Variants in NBN observed in about 807,000 individuals in gnomAD.
NBN encodes nibrin.
A neutral mutation model predicts 90.8 loss-of-function variants in NBN; 88 were observed. The observed-to-expected ratio is 0.97, with a 90% CI of 0.82 to 1.16. The LOEUF (loss-of-function observed/expected upper bound fraction) is 1.16, where lower values mean the gene tolerates loss of function less well. Among genes scored for constraint, NBN ranks in the 50% most tolerant of loss-of-function variants. NBN has a pLI of 0.00. For synonymous variants in NBN, 328 were observed against 295.1 expected (o/e 1.11, Z -1.14); for missense variants, 894 against 869.6 (o/e 1.03, Z -0.35).
chr8:89,984,117 T>C (rs755081511), intron 1 of NBN: 2 of 296,454 alleles, frequency 6.7e-6, no homozygotes, highest in South Asian at 4.3e-5. Context: ...AACTGTCCAG[T>C]AGTTCTTCAC....
intron 9 of NBN, 134 bp downstream of exon 9, chr8:89,958,591 T>A: frequency 9.0e-7 from 1 of 1,110,172 alleles, no homozygotes; most frequent in Non-Finnish European, 1.3e-6. Context: ...TCCTAAGATA[T>A]CATTTTCCCT....
chr8:89,952,339 G>C (rs1379497871), intron 11 of NBN, among the ~76,000 whole-genome samples: 1 of 152,164 alleles, frequency 6.6e-6, no homozygotes, highest in Admixed American at 6.5e-5. Context: ...TTTTAGAAAA[G>C]CTTACCAGCT....
chr8:89,949,652 AC>A (rs1460509407), intron 11 of NBN, among the ~76,000 whole-genome samples: 1 of 152,204 alleles, frequency 6.6e-6, no homozygotes, highest in East Asian at 1.9e-4. Context: ...AATCTTACAG[AC>A]ATGCTATAAT....
intron 13 of NBN, among the ~76,000 whole-genome samples, chr8:89,945,838 A>G (rs948414550): frequency 5.9e-5 from 9 of 152,294 alleles, no homozygotes; most frequent in African/African-American, 2.2e-4. Context: ...GTTGTAGACC[A>G]ATATTAGACT....
intron 7 of NBN, among the ~76,000 whole-genome samples, chr8:89,967,632 A>G (rs1811316765): frequency 1.3e-5 from 2 of 152,250 alleles, no homozygotes; most frequent in Admixed American, 1.3e-4. Context: ...AATTAAATTA[A>G]TAACAGGAAG....
At position 89,980,879 on chromosome 8, in the gene NBN, G is replaced by T; in HGVS notation, c.335C>A (p.Pro112His). ...FGSKFRIEYE[P>H]LVACSSCLDV... is the part of the protein sequence containing the mutation. The stretch of plus-strand genomic sequence containing the variant: ...TAAACAAGAAGAGCATGCAACCAAA[G>T]GCTCATACTCTATTCTGTAAATGAG... The change falls in exon 4 of 16, where the codon CCT becomes CAT. Residue 112 changes from proline (P) to histidine (H), a missense_variant. Coordinates refer to ENST00000265433, the MANE Select transcript of NBN (RefSeq NM_002485.5). The T allele has an allele frequency of 6.2e-7, 1 of 1,612,548 alleles. No individual in the cohort carries two copies.
chr8:89,962,592 C>T (rs1250540604), intron 8 of NBN, among the ~76,000 whole-genome samples: 2 of 152,218 alleles, frequency 1.3e-5, no homozygotes, highest in East Asian at 1.9e-4. Flanking sequence ...TAGCTTTTTA[C>T]TTTATGGATG....
rs142251679 is a variant in NBN, at chr8:89,942,307, G to A, written c.2184+946C>T. Among the ~76,000 whole-genome samples, 314 of 152,128 alleles carry A rather than the reference G, an allele frequency of 2.1e-3. 2 individuals are homozygous for A. Among genetic ancestry groups the A allele is most frequent in the Middle Eastern group, 6.8e-3 (2 of 294 alleles). On this transcript the variant is annotated intron_variant, in intron 14 of 15. Transcript: ENST00000265433. ...AATATTAATACATACTAACTGTCTG[G>A]GTGATTCAAAGAATCACAAGGAGAG...
rs944499155 is a variant in NBN, at chr8:89,953,531, T to C, written c.1558A>G (p.Asn520Asp). The change falls in exon 11 of 16, where the codon AAT (asparagine) becomes GAT (aspartate). Residue 520 changes from asparagine (N) to aspartate (D), a missense_variant. By Grantham distance (23) the Asn-to-Asp change is conservative. Coordinates refer to ENST00000265433, the MANE Select transcript of NBN (RefSeq NM_002485.5). ...AAATCTGTATCTGTAAATAAGTTAT[T>C]GTCTGAGTTTGTGTCCACAGGCTCA... ...ENEPVDTNSDNNLFTDTDLKS... is the reference protein window; with the variant it reads ...ENEPVDTNSDDNLFTDTDLKS... 5 of 1,613,850 alleles carry C rather than the reference T, an allele frequency of 3.1e-6. No individual in the cohort carries two copies. The highest frequency in any genetic ancestry group is 4.2e-6 in the Non-Finnish European group (5 of 1,179,842).
chr8:89,966,633 G>C (rs954169866), intron 7 of NBN, among the ~76,000 whole-genome samples: 6 of 152,154 alleles, frequency 3.9e-5, no homozygotes, highest in African/African-American at 1.4e-4. Flanking sequence ...TTGCCTTGTA[G>C]ATTCAATGCA....
rs1810260316 is a variant in NBN, at chr8:89,947,753, A to C, written c.1914+71T>G. On this transcript the variant is annotated intron_variant, in intron 12 of 15. Transcript: ENST00000265433. ...AGAGAAATAATCCTAAGAATGTAAAATCACAAAAATTGATGAGATGACAGT... is the reference window on the plus strand; with the variant it reads ...AGAGAAATAATCCTAAGAATGTAAACTCACAAAAATTGATGAGATGACAGT... 5 of 861,426 alleles carry C rather than the reference A, an allele frequency of 5.8e-6. No homozygotes were observed. The Admixed American group carries it at 8.2e-5, about 14-fold the overall frequency. 53.4% of individuals were successfully genotyped at this position (861,426 alleles called of 1,614,324 possible).
chr8:89,984,381 C>A (rs1812229263), intron 1 of NBN, 144 bp downstream of exon 1: 4 of 770,242 alleles, frequency 5.2e-6, no homozygotes, highest in Non-Finnish European at 8.9e-6. Flanking sequence ...ATGCGCTTGC[C>A]ATACAGCGTA....
chr8:89,944,066 C>T (rs1008782563), intron 13 of NBN, among the ~76,000 whole-genome samples: 3 of 152,014 alleles, frequency 2.0e-5, no homozygotes, highest in Admixed American at 1.3e-4. Context: ...GTTTAAAAAA[C>T]GCTATGTCAT....
At chr8:89,984,486 C>G (rs1351527447) in intron 1 of NBN, 39 bp downstream of exon 1, 5 of 1,588,926 alleles carry the variant, frequency 3.1e-6, no homozygotes, top group Non-Finnish European at 4.3e-6. Flanking sequence ...GCAGTCGCTA[C>G]CGGGAAAATA....
In NBN at chr8:89,937,962, C is replaced by A. The variant is rs13312962; in HGVS notation, c.2185-887G>T. Reference sequence around the variant, plus strand: ...TTTTTTTCCCTCTTCCCACATGTAACCATCTTTAAAGGTACATTCATTCAA... The same window carrying A: ...TTTTTTTCCCTCTTCCCACATGTAAACATCTTTAAAGGTACATTCATTCAA... On this transcript the variant is annotated intron_variant, in intron 14 of 15. Coordinates refer to ENST00000265433, the MANE Select transcript of NBN (RefSeq NM_002485.5). Among the ~76,000 whole-genome samples, 1,019 of 152,260 alleles carry A rather than the reference C, an allele frequency of 6.7e-3. 9 individuals carry two copies. The highest frequency in any genetic ancestry group is 0.023 in the African/African-American group (968 of 41,550).
chr8:89,981,275 A>C, intron 3 of NBN, 100 bp downstream of exon 3: 1 of 1,336,648 alleles, frequency 7.5e-7, no homozygotes, highest in Admixed American at 1.7e-5. Context: ...CAGGAACTAA[A>C]TTATACTGTT....
chr8:89,972,363 T>C (rs1811557082), intron 5 of NBN, among the ~76,000 whole-genome samples: 2 of 152,264 alleles, frequency 1.3e-5, no homozygotes, highest in Admixed American at 1.3e-4. Flanking sequence ...AAAGCAATGA[T>C]TTCTGGAAGC....
Position 89,947,812 on chromosome 8 carries a change from A to T in NBN, c.1914+12T>A. ...GCCAAATCTGTATAAAAATTAATAA[A>T]ACGTTTCTCACAGATATTTCTTTAG... is the stretch of plus-strand genomic sequence containing the variant. On this transcript the variant is annotated intron_variant, in intron 12 of 15. Transcript: ENST00000265433. 1 of 1,513,044 alleles carries T rather than the reference A, an allele frequency of 6.6e-7. No individual in the cohort carries two copies. The highest frequency in any genetic ancestry group is 9.1e-7 in the Non-Finnish European group (1 of 1,095,618). The allele number at this position is 1,513,044 out of a possible 1,614,324, so 93.7% of individuals were successfully genotyped here. A position where few individuals can be genotyped will look rare whatever the true frequency, so the allele number is the denominator to read the frequency against.
At chr8:89,980,641 G>A (rs977457741) in intron 4 of NBN, 93 bp downstream of exon 4, 5 of 1,055,956 alleles carry the variant, frequency 4.7e-6, no homozygotes, top group Non-Finnish European at 7.1e-6. Flanking sequence ...AGTTCTGATA[G>A]TTTTAAAGTA....
Sources: allele counts gnomAD v4.1 joint callset (sites outside exome capture counted in the v4.1 genomes callset), GRCh38; gene constraint gnomAD v4.1.1; transcripts MANE v1.5; gene names NCBI Gene and HGNC (gene_info 2026-07-23, HGNC 2026-07-21).